NEDD4L: variants seen among roughly 807,000 people sequenced by gnomAD.
The protein encoded by NEDD4L is E3 ubiquitin-protein ligase NEDD4-like.
A neutral mutation model predicts 148.9 loss-of-function variants in NEDD4L; 54 were observed. The observed-to-expected ratio is 0.36, with a 90% confidence interval of 0.29 to 0.45. The LOEUF (loss-of-function observed/expected upper bound fraction) is 0.45. NEDD4L is among the 20% of genes least tolerant of loss of function. NEDD4L has a pLI of 1.00. For synonymous variants in NEDD4L, 433 were observed against 440.7 expected (o/e 0.98, Z 0.22); for missense variants, 856 against 1,233.8 (o/e 0.69, Z 4.59).
At chr18:58,130,313 G>A (rs2031874466) in intron 1 of NEDD4L, among the ~76,000 whole-genome samples, 1 of 146,682 alleles carries the variant, frequency 6.8e-6, no homozygotes, top group Non-Finnish European at 1.5e-5. Flanking sequence ...GGGTTTGGTT[G>A]TGAGTGGAAC....
In NEDD4L at chr18:58,337,358, C is replaced by T. The variant is rs1329821519; in HGVS notation, c.1125+1821C>T. On this transcript the variant is annotated intron_variant, in intron 13 of 30. Coordinates refer to ENST00000400345, the MANE Select transcript of NEDD4L (RefSeq NM_001144967.3). The stretch of plus-strand genomic sequence containing the variant: ...ATCCTGCATGTTTCTCTTCCACATC[C>T]TTTGTCGTGAATGCCCTTGACTTCC... 2.6e-5 allele frequency among the ~76,000 whole-genome samples: 4 copies of T among 152,314 alleles called. No homozygotes were observed. In the East Asian group the frequency reaches 7.7e-4, roughly 29 times the overall value.
intron 11 of NEDD4L, among the ~76,000 whole-genome samples, chr18:58,333,420 A>G (rs958601928): frequency 6.6e-6 from 1 of 152,218 alleles, no homozygotes; most frequent in African/African-American, 2.4e-5. Flanking sequence ...GGGTAGCCAC[A>G]TATCACTATT....
Position 58,396,180 on chromosome 18 carries a change from G to T in NEDD4L, c.2839G>T (p.Asp947Tyr). 2 of 1,612,926 alleles carry T rather than the reference G, an allele frequency of 1.2e-6. No individual in the cohort carries two copies. Among genetic ancestry groups the T allele is most frequent in the South Asian group, 2.2e-5 (2 of 90,894 alleles). The stretch of plus-strand genomic sequence containing the variant: ...TTCCTTTTGCAGCTTTAATCGCCTT[G>T]ACTTACCTCCATATGAAACCTTTGA... ...PRAHTCFNRL[D>Y]LPPYETFEDL... The change falls in exon 31 of 31, where the codon GAC becomes TAC. Residue 947 changes from aspartate to tyrosine, a missense_variant. Asp to Tyr is a radical substitution (Grantham distance 160). Around this residue, in one of 4 missense-constraint regions of NEDD4L, gnomAD observed 286 missense variants for 531.8 expected, o/e 0.54. Transcript: ENST00000400345.
At chr18:58,198,340 T>A (rs1438486937) in intron 2 of NEDD4L, among the ~76,000 whole-genome samples, 2 of 152,156 alleles carry the variant, frequency 1.3e-5, no homozygotes, top group Non-Finnish European at 2.9e-5. Context: ...CCTTGCTACC[T>A]CCAATCCCAA....
At position 58,044,569 on chromosome 18, in the gene NEDD4L, G is replaced by C. The variant is rs2081485050; in HGVS notation, c.-92G>C. The C allele has an allele frequency of 4.2e-6, 6 of 1,411,858 alleles. No homozygotes were observed. The highest frequency in any genetic ancestry group is 2.9e-5 in the Admixed American group (1 of 34,578). The allele number at this position is 1,411,858 out of a possible 1,614,324, so 87.5% of individuals were successfully genotyped here. On this transcript the variant is annotated 5_prime_UTR_variant, in exon 1 of 31. Transcript: ENST00000400345. ...CGTGCGCAGGGTAGGGTGCGGGACC[G>C]GGGGGACCTGGAGGCAGAGGGGAGA...
At chr18:58,089,338 T>C (rs760570224) in intron 1 of NEDD4L, among the ~76,000 whole-genome samples, 1 of 152,070 alleles carries the variant, frequency 6.6e-6, no homozygotes, top group Admixed American at 6.6e-5. Flanking sequence ...TTTCACCATA[T>C]TGGCCAGCCT....
At chr18:58,060,542 C>T (rs1005210285) in intron 1 of NEDD4L, among the ~76,000 whole-genome samples, 4 of 151,996 alleles carry the variant, frequency 2.6e-5, no homozygotes, top group Non-Finnish European at 5.9e-5. Flanking sequence ...GGGGATAAGG[C>T]AGGAGGTATT....
At chr18:58,301,408 G>A (rs1261031519) in intron 5 of NEDD4L, among the ~76,000 whole-genome samples, 1 of 152,132 alleles carries the variant, frequency 6.6e-6, no homozygotes, top group Non-Finnish European at 1.5e-5. Flanking sequence ...TGACTATGTA[G>A]GCCAGCTCCT....
chr18:58,091,944 T>C (rs1207702057), intron 1 of NEDD4L, among the ~76,000 whole-genome samples: 2 of 152,234 alleles, frequency 1.3e-5, no homozygotes, highest in African/African-American at 4.8e-5. Context: ...ACTGTGTTGC[T>C]TCCCCACTGG....
intron 2 of NEDD4L, among the ~76,000 whole-genome samples, chr18:58,232,611 C>T (rs952859180): frequency 4.6e-5 from 7 of 152,146 alleles, no homozygotes; most frequent in African/African-American, 7.2e-5. Flanking sequence ...ACCCTTGTGT[C>T]GGGATATAGG....
chr18:58,244,780 C>T (rs2047053575), intron 2 of NEDD4L, among the ~76,000 whole-genome samples: 1 of 152,176 alleles, frequency 6.6e-6, no homozygotes, highest in East Asian at 1.9e-4. Context: ...ACCGCAACCT[C>T]TGTCTCTCAG....
chr18:58,389,019 A>G (rs540091377), intron 27 of NEDD4L, 66 bp from the exon 28 acceptor site: 3 of 1,314,798 alleles, frequency 2.3e-6, no homozygotes, highest in Non-Finnish European at 3.3e-6. Context: ...GAGGGTGGTC[A>G]TTTCTCAGTG....
intron 2 of NEDD4L, chr18:58,195,634 CGCCGCCGTT>C: frequency 7.4e-7 from 1 of 1,349,838 alleles, no homozygotes; most frequent in Non-Finnish European, 9.8e-7. Flanking sequence ...GATTTCTCCT[CGCCGCCGTT>C]GCTGTTGTTA....
At chr18:58,153,944 G>C (rs917436306) in intron 1 of NEDD4L, among the ~76,000 whole-genome samples, 4 of 152,172 alleles carry the variant, frequency 2.6e-5, no homozygotes, top group African/African-American at 9.7e-5. Flanking sequence ...ACCGCACCCG[G>C]CCCGAAATAT....
intron 10 of NEDD4L, among the ~76,000 whole-genome samples, chr18:58,330,306 T>G (rs1453013183): frequency 6.6e-6 from 1 of 152,204 alleles, no homozygotes; most frequent in Non-Finnish European, 1.5e-5. Flanking sequence ...TCCTCAGTGG[T>G]TAAAAGTAAA....
intron 5 of NEDD4L, among the ~76,000 whole-genome samples, chr18:58,270,095 A>G (rs1051571349): frequency 3.3e-5 from 5 of 152,198 alleles, no homozygotes; most frequent in Non-Finnish European, 7.3e-5. Context: ...TTGTGTGCCA[A>G]TACCACTTTT....
chr18:58,254,256 T>C (rs1210621369), intron 5 of NEDD4L, among the ~76,000 whole-genome samples: 1 of 152,228 alleles, frequency 6.6e-6, no homozygotes, highest in African/African-American at 2.4e-5. Context: ...TACAGCTTGG[T>C]ATTTTCCCCT....
chr18:58,308,349 C>T (rs1020873559), intron 5 of NEDD4L, among the ~76,000 whole-genome samples: 3 of 152,180 alleles, frequency 2.0e-5, no homozygotes, highest in Admixed American at 2.0e-4. Context: ...TCTACATCTG[C>T]ATTTTTTGCA....
intron 1 of NEDD4L, among the ~76,000 whole-genome samples, chr18:58,141,284 C>A (rs1238087214): frequency 6.6e-6 from 1 of 152,086 alleles, no homozygotes; most frequent in Admixed American, 6.6e-5. Flanking sequence ...TGGGGTAACA[C>A]AATATAAGTT....
Sources: gnomAD v4.1 joint callset for allele counts (sites outside exome capture counted in the v4.1 genomes callset) on GRCh38, gnomAD v4.1.1 for gene constraint, gnomAD v4.1.1 regional missense constraint, MANE v1.5 for transcripts, NCBI Gene and HGNC (gene_info 2026-07-23, HGNC 2026-07-21) for gene names.